Variants in HIVEP1 observed in about 807,000 individuals in gnomAD.
HIVEP1 encodes the protein zinc finger protein 40.
HIVEP1 carries 36 observed loss-of-function variants against 180.0 expected under a neutral mutation model. The observed-to-expected ratio is 0.20, with a 90% CI of 0.15 to 0.26. HIVEP1 has a LOEUF of 0.26. Ranked by LOEUF, HIVEP1 falls within the 10% of genes least tolerant of loss-of-function variation. The pLI, the probability that HIVEP1 is intolerant of heterozygous loss-of-function variation, is 1.00. For synonymous variants in HIVEP1, 1,239 were observed against 1,239.0 expected (o/e 1.00, Z 0.00); for missense variants, 3,143 against 3,268.7 (o/e 0.96, Z 0.94).
At chr6:12,158,658 C>T (rs761742556) in intron 7 of HIVEP1, among the ~76,000 whole-genome samples, 9 of 152,172 alleles carry the variant, frequency 5.9e-5, no homozygotes, top group Non-Finnish European at 1.3e-4. Flanking sequence ...CCTCCCTCTC[C>T]CCCAAGTGTT....
At chr6:12,153,314 A>ATAGAC (rs1317289265) in intron 7 of HIVEP1, among the ~76,000 whole-genome samples, 2 of 152,206 alleles carry the variant, frequency 1.3e-5, no homozygotes, top group Non-Finnish European at 2.9e-5. Context: ...ATATCTAGGC[A>ATAGAC]TAGACTAACA....
chr6:12,199,515 C>T, the HIVEP1 span, among the ~76,000 whole-genome samples: 3 of 152,064 alleles, frequency 2.0e-5, no homozygotes, highest in Non-Finnish European at 4.4e-5. Flanking sequence ...GTGCCCACCA[C>T]CATGCCCGGC....
intron 7 of HIVEP1, among the ~76,000 whole-genome samples, chr6:12,151,644 G>C (rs1428960847): frequency 3.3e-5 from 5 of 152,294 alleles, no homozygotes; most frequent in African/African-American, 7.2e-5. Context: ...TAAACCTGGA[G>C]GGTGATGTGG....
At chr6:12,141,691 C>CAAAAAAAAAAAAAAAAAAAAAAAAAAAA (rs60419579) in intron 7 of HIVEP1, among the ~76,000 whole-genome samples, 1 of 19,238 alleles carries the variant, frequency 5.2e-5, no homozygotes, top group Non-Finnish European at 1.6e-4. Context: ...AAATGGAAAG[C>CAAAAAAAAAAAAAAAAAAAAAAAAAAAA]AAAAAAAAAA....
chr6:12,083,454 A>G (rs1245375997), intron 2 of HIVEP1, among the ~76,000 whole-genome samples: 1 of 152,158 alleles, frequency 6.6e-6, no homozygotes, highest in East Asian at 1.9e-4. Context: ...GACCCTGGCA[A>G]CTATGTGCTC....
At chr6:12,145,163 A>G (rs1759292515) in intron 7 of HIVEP1, among the ~76,000 whole-genome samples, 1 of 152,218 alleles carries the variant, frequency 6.6e-6, no homozygotes, top group Admixed American at 6.5e-5. Flanking sequence ...AATGTGGCAC[A>G]TATTTACCAT....
At chr6:12,056,406 C>A (rs1050020072) in intron 2 of HIVEP1, among the ~76,000 whole-genome samples, 1 of 152,108 alleles carries the variant, frequency 6.6e-6, no homozygotes, top group Admixed American at 6.6e-5. Context: ...TAATGTCTTG[C>A]CACATTTGCC....
chr6:12,162,917 G>A (rs1001001306), intron 8 of HIVEP1, among the ~76,000 whole-genome samples: 2 of 152,128 alleles, frequency 1.3e-5, no homozygotes, highest in African/African-American at 2.4e-5. Context: ...GGTGGAGCTG[G>A]TAGTGCCAGA....
chr6:12,169,922 C>T (rs183263189), downstream of HIVEP1, among the ~76,000 whole-genome samples: 2 of 152,040 alleles, frequency 1.3e-5, no homozygotes, highest in African/African-American at 2.4e-5. Context: ...AGATAGAGAC[C>T]ATCCTGGCTA....
downstream of HIVEP1, among the ~76,000 whole-genome samples, chr6:12,168,178 A>ATACAGATATACGTGTATATCTATAT (rs1760792858): frequency 4.8e-5 from 3 of 62,984 alleles, 1 homozygote; most frequent in Non-Finnish European, 9.1e-5. Context: ...TATCTATATT[A>ATACAGATATACGTGTATATCTATAT]TATATAGATA....
intron 2 of HIVEP1, among the ~76,000 whole-genome samples, chr6:12,065,694 T>C (rs201932601): frequency 0.081 from 4,877 of 60,302 alleles, 137 homozygotes; most frequent in Middle Eastern, 0.19. Context: ...TGTGTGTGCG[T>C]GTGTGTGTGT....
chr6:12,137,327 G>C (rs1758759876), intron 7 of HIVEP1, among the ~76,000 whole-genome samples: 1 of 152,164 alleles, frequency 6.6e-6, no homozygotes. Flanking sequence ...ATTGTTAAGG[G>C]AAGGTAGTAC....
the HIVEP1 span, among the ~76,000 whole-genome samples, chr6:12,201,671 T>C: frequency 6.6e-6 from 1 of 152,248 alleles, no homozygotes; most frequent in Non-Finnish European, 1.5e-5. Flanking sequence ...TCTCTTTTGA[T>C]CCTAATTCTG....
At chr6:12,143,653 A>G (rs1235395323) in intron 7 of HIVEP1, among the ~76,000 whole-genome samples, 3 of 152,216 alleles carry the variant, frequency 2.0e-5, no homozygotes, top group Non-Finnish European at 4.4e-5. Flanking sequence ...TCTCAGCCCA[A>G]AATCTCCTTA....
chr6:12,084,415 G>C (rs1445192582), intron 2 of HIVEP1, among the ~76,000 whole-genome samples: 2 of 152,090 alleles, frequency 1.3e-5, no homozygotes, highest in Non-Finnish European at 2.9e-5. Context: ...AGGTTAAAAT[G>C]GGTTGATTGT....
chr6:12,061,381 T>A (rs544185406), intron 2 of HIVEP1, among the ~76,000 whole-genome samples: 1 of 152,338 alleles, frequency 6.6e-6, no homozygotes, highest in Admixed American at 6.5e-5. Context: ...GTGGGACTAA[T>A]ACACTCAGAA....
rs1771103537 is a variant in HIVEP1 at position 12,059,633 on chromosome 6, C to T, written c.41-29551C>T. 2.6e-5 allele frequency among the ~76,000 whole-genome samples: 4 copies of T among 152,134 alleles called. No homozygotes were observed. In the South Asian group the frequency reaches 8.3e-4, roughly 31 times the overall value. ...GTTCTCCTCGCCTACTGTGCTGTTT[C>T]TAACCATCATGCTTTTCCCTGAATC... On this transcript the variant is annotated intron_variant, in intron 2 of 8. Coordinates refer to ENST00000379388, the MANE Select transcript of HIVEP1 (RefSeq NM_002114.4).
intron 3 of HIVEP1, among the ~76,000 whole-genome samples, chr6:12,115,850 G>C (rs543089722): frequency 5.3e-5 from 8 of 151,838 alleles, no homozygotes; most frequent in South Asian, 4.2e-4. Flanking sequence ...AGAGGCTCGC[G>C]GGGGGTGCTG....
downstream of HIVEP1, among the ~76,000 whole-genome samples, chr6:12,169,115 G>C (rs1009978568): frequency 2.6e-5 from 4 of 152,148 alleles, no homozygotes; most frequent in African/African-American, 9.7e-5. Context: ...TTGAACTCCT[G>C]ACCTCAAGTG....
Sources: gnomAD v4.1 joint callset for allele counts (sites outside exome capture counted in the v4.1 genomes callset) on GRCh38, gnomAD v4.1.1 for gene constraint, MANE v1.5 for transcripts, NCBI Gene and HGNC (gene_info 2026-07-23, HGNC 2026-07-21) for gene names.